The following PLPPR1 variants were observed in gnomAD, a reference collection of about 807,000 sequenced individuals.
The protein encoded by PLPPR1 is phospholipid phosphatase-related protein type 1.
A neutral mutation model predicts 33.1 loss-of-function variants in PLPPR1; 10 were observed. That is an observed-to-expected ratio of 0.30 (90% CI 0.19 to 0.51). PLPPR1 has a LOEUF of 0.51. PLPPR1 is among the 20% of genes least tolerant of loss of function. The pLI is 0.97. For missense variants in PLPPR1, 304 were observed against 408.1 expected, an observed-to-expected ratio of 0.74 and a Z score of 2.20; for synonymous variants, 151 against 151.0, an observed-to-expected ratio of 1.00 and a Z score of 0.00.
intron 2 of PLPPR1, among the ~76,000 whole-genome samples, chr9:101,258,121 G>A (rs184146822): frequency 1.1e-4 from 17 of 152,254 alleles, no homozygotes; most frequent in Non-Finnish European, 2.1e-4. Context: ...TGCACAAGTA[G>A]TTAATGGTCA....
intron 1 of PLPPR1, among the ~76,000 whole-genome samples, chr9:101,172,544 C>G (rs960663748): frequency 1.3e-5 from 2 of 151,994 alleles, no homozygotes; most frequent in African/African-American, 4.8e-5. Flanking sequence ...TGTGTAAACC[C>G]CTATGATTAC....
chr9:101,305,556 C>T (rs989650991), intron 4 of PLPPR1, among the ~76,000 whole-genome samples: 6 of 152,184 alleles, frequency 3.9e-5, no homozygotes, highest in African/African-American at 7.2e-5. Flanking sequence ...TTCCTTTGCT[C>T]ACCCCACCAA....
chr9:101,288,477 G>A (rs1022837615), intron 4 of PLPPR1, among the ~76,000 whole-genome samples: 3 of 152,100 alleles, frequency 2.0e-5, no homozygotes, highest in African/African-American at 7.2e-5. Flanking sequence ...CTAGAGCAGA[G>A]AGATAGCCAA....
intron 2 of PLPPR1, chr9:101,269,679 C>G: frequency 1.7e-6 from 1 of 601,782 alleles, no homozygotes. Flanking sequence ...TCATTATTTG[C>G]TGGAAGGTTT....
intron 1 of PLPPR1, among the ~76,000 whole-genome samples, chr9:101,133,063 ATTAGGAAAC>A (rs1360476655): frequency 6.6e-6 from 1 of 152,196 alleles, no homozygotes; most frequent in Admixed American, 6.5e-5. Flanking sequence ...TCAAGTTCCA[ATTAGGAAAC>A]TTAGATAAGC....
At chr9:101,230,676 G>A (rs1272883799) in intron 2 of PLPPR1, among the ~76,000 whole-genome samples, 3 of 151,942 alleles carry the variant, frequency 2.0e-5, no homozygotes, top group African/African-American at 7.3e-5. Flanking sequence ...GAAGTAATGA[G>A]GGACTATTTT....
intron 6 of PLPPR1, among the ~76,000 whole-genome samples, chr9:101,316,697 CT>C (rs1291744877): frequency 1.4e-5 from 2 of 147,836 alleles, no homozygotes; most frequent in African/African-American, 5.1e-5. Flanking sequence ...TGGGCAGTAA[CT>C]TACAGGGAAA....
At position 101,324,146 on chromosome 9, in the gene PLPPR1, G is replaced by T. The variant is rs1829207970; in HGVS notation, c.*89G>T. On this transcript the variant is annotated 3_prime_UTR_variant, in exon 8 of 8. Coordinates refer to ENST00000374874, the MANE Select transcript of PLPPR1 (RefSeq NM_207299.2). ...CAGTTGCTCAATGTCAAACTGTGAT[G>T]ACAAATATTACGTTTATCTAGTTAG... is the stretch of plus-strand genomic sequence containing the variant. The T allele has an allele frequency of 9.1e-7, 1 of 1,098,146 alleles. No homozygotes were observed. The allele number at this position is 1,098,146 out of a possible 1,614,324, so 68.0% of individuals were successfully genotyped here.
At chr9:101,246,780 G>A (rs970589243) in intron 2 of PLPPR1, among the ~76,000 whole-genome samples, 10 of 152,028 alleles carry the variant, frequency 6.6e-5, no homozygotes, top group Admixed American at 3.9e-4. Flanking sequence ...ATACTGGGCC[G>A]TTTTCCTGTT....
intron 5 of PLPPR1, among the ~76,000 whole-genome samples, chr9:101,311,211 T>C (rs1168379074): frequency 1.3e-5 from 2 of 152,202 alleles, no homozygotes; most frequent in Admixed American, 6.5e-5. Context: ...ACGAAGTTCT[T>C]TGGGCAAGAA....
At chr9:101,058,292 T>C (rs558056779) in intron 1 of PLPPR1, among the ~76,000 whole-genome samples, 8 of 144,534 alleles carry the variant, frequency 5.5e-5, no homozygotes, top group Non-Finnish European at 3.0e-5. Flanking sequence ...TGATGAGAAC[T>C]AACAGAGCCG....
intron 4 of PLPPR1, among the ~76,000 whole-genome samples, chr9:101,306,764 A>G (rs970991821): frequency 6.6e-6 from 1 of 152,184 alleles, no homozygotes; most frequent in Admixed American, 6.5e-5. Context: ...TTTAGACTCC[A>G]AGCCAAGATA....
chr9:101,158,198 T>C (rs1248841712), intron 1 of PLPPR1, among the ~76,000 whole-genome samples: 2 of 152,008 alleles, frequency 1.3e-5, no homozygotes, highest in Non-Finnish European at 2.9e-5. Context: ...AGAAGCCAGA[T>C]TGCAATTAGT....
chr9:101,323,975 G>A (rs1205292829), intron 7 of PLPPR1, 50 bp from the exon 8 acceptor site: 8 of 1,544,958 alleles, frequency 5.2e-6, no homozygotes, highest in Admixed American at 3.3e-5. Context: ...GAGTGTGCAC[G>A]TGTCAGGCAA....
chr9:101,054,817 T>G (rs1830262872), intron 1 of PLPPR1, among the ~76,000 whole-genome samples: 1 of 152,162 alleles, frequency 6.6e-6, no homozygotes, highest in African/African-American at 2.4e-5. Flanking sequence ...GCATTTGCTG[T>G]GTCAGCCAAA....
intron 4 of PLPPR1, among the ~76,000 whole-genome samples, chr9:101,302,485 G>T (rs1828772114): frequency 6.6e-6 from 1 of 152,164 alleles, no homozygotes; most frequent in Non-Finnish European, 1.5e-5. Context: ...TTGAATTGAG[G>T]TACCTTGGCA....
chr9:101,296,659 A>T (rs545723290), intron 4 of PLPPR1, among the ~76,000 whole-genome samples: 1 of 152,306 alleles, frequency 6.6e-6, no homozygotes, highest in East Asian at 1.9e-4. Context: ...ACATGGATGA[A>T]ATTGGAAATC....
intron 2 of PLPPR1, among the ~76,000 whole-genome samples, chr9:101,209,102 A>C (rs1174216038): frequency 2.6e-5 from 4 of 152,240 alleles, no homozygotes; most frequent in African/African-American, 9.7e-5. Context: ...AGAAAAGCAA[A>C]TTCTCAACAC....
chr9:101,254,757 A>T (rs1827770037), intron 2 of PLPPR1, among the ~76,000 whole-genome samples: 1 of 152,178 alleles, frequency 6.6e-6, no homozygotes, highest in South Asian at 2.1e-4. Flanking sequence ...ATTTTTTAAC[A>T]ATTATGTAAT....
Sources: allele counts gnomAD v4.1 joint callset (sites outside exome capture counted in the v4.1 genomes callset), GRCh38; gene constraint gnomAD v4.1.1; transcripts MANE v1.5; gene names NCBI Gene and HGNC (gene_info 2026-07-23, HGNC 2026-07-21).